Variants in CSMD1 observed in about 807,000 individuals in gnomAD.
The protein encoded by CSMD1 is CUB and sushi domain-containing protein 1.
Under a neutral mutation model 417.5 loss-of-function variants are expected in CSMD1, and 213 were observed. The observed-to-expected ratio is 0.51, with a 90% CI of 0.46 to 0.57. The LOEUF (loss-of-function observed/expected upper bound fraction) is 0.57. CSMD1 is among the 20% of genes least tolerant of loss of function. CSMD1 has a pLI of 0.00. For synonymous variants in CSMD1, 2,862 were observed against 1,736.8 expected (o/e 1.65, Z -16.11); for missense variants, 6,923 against 4,529.7 (o/e 1.53, Z -15.17).
intron 3 of CSMD1, among the ~76,000 whole-genome samples, chr8:4,202,763 T>C (rs532891411): frequency 5.3e-5 from 8 of 152,240 alleles, no homozygotes; most frequent in East Asian, 3.9e-4. Flanking sequence ...GAGAAAATGA[T>C]AGTGATAGAA....
At position 3,339,492 on chromosome 8, in the gene CSMD1, A is replaced by G. The variant is rs111781945; in HGVS notation, c.3631+3802T>C. Among the ~76,000 whole-genome samples the G allele has an allele frequency of 1.6e-3, 240 of 152,298 alleles. 1 individual carries two copies. Among genetic ancestry groups the G allele is most frequent in the African/African-American group, 5.7e-3 (235 of 41,568 alleles). On this transcript the variant is annotated intron_variant, in intron 23 of 69. Transcript: ENST00000635120. ...CTGGTTCCATCGGTGTACCCAAAAT[A>G]GATTTATCTCATCAGAGGGCCAATG...
At chr8:4,070,065 G>A (rs1327514824) in intron 3 of CSMD1, among the ~76,000 whole-genome samples, 2 of 151,662 alleles carry the variant, frequency 1.3e-5, no homozygotes, top group African/African-American at 4.8e-5. Flanking sequence ...TTTTCGCAGT[G>A]TTTTAGTGTT....
chr8:4,884,006 T>C (rs912841451), intron 1 of CSMD1, among the ~76,000 whole-genome samples: 1 of 152,070 alleles, frequency 6.6e-6, no homozygotes, highest in Middle Eastern at 3.2e-3. Context: ...CTATTGTCTG[T>C]ATTTTTGATA....
intron 3 of CSMD1, among the ~76,000 whole-genome samples, chr8:4,189,181 G>C (rs979078932): frequency 1.3e-5 from 2 of 152,222 alleles, no homozygotes; most frequent in Admixed American, 6.5e-5. Context: ...CACACAGCAC[G>C]TAAGTGCCCA....
intron 42 of CSMD1, among the ~76,000 whole-genome samples, chr8:3,111,846 T>C (rs1246414638): frequency 1.3e-5 from 2 of 151,918 alleles, no homozygotes; most frequent in Admixed American, 1.3e-4. Flanking sequence ...ATAATAATAA[T>C]AATGGGACCA....
At chr8:4,139,733 G>C (rs1050085136) in intron 3 of CSMD1, among the ~76,000 whole-genome samples, 2 of 151,164 alleles carry the variant, frequency 1.3e-5, no homozygotes, top group African/African-American at 4.9e-5. Flanking sequence ...TGCTTGAGTA[G>C]ATGAGTACAA....
chr8:4,550,648 C>G (rs150639207), intron 2 of CSMD1, among the ~76,000 whole-genome samples: 6 of 152,278 alleles, frequency 3.9e-5, no homozygotes, highest in African/African-American at 1.4e-4. Flanking sequence ...AAAAGGATCT[C>G]TAACAGTTTA....
chr8:4,195,174 C>A (rs892616916), intron 3 of CSMD1, among the ~76,000 whole-genome samples: 3 of 152,186 alleles, frequency 2.0e-5, no homozygotes, highest in South Asian at 4.1e-4. Flanking sequence ...TGTGTGTACA[C>A]TGACTTGTCA....
chr8:4,857,161 T>A (rs1274952150), intron 1 of CSMD1, among the ~76,000 whole-genome samples: 1 of 151,078 alleles, frequency 6.6e-6, no homozygotes, highest in Non-Finnish European at 1.5e-5. Context: ...TGCTCATGAA[T>A]GACTACTGGG....
At chr8:4,601,111 C>T (rs1188961215) in intron 2 of CSMD1, among the ~76,000 whole-genome samples, 1 of 152,108 alleles carries the variant, frequency 6.6e-6, no homozygotes, top group Non-Finnish European at 1.5e-5. Flanking sequence ...CATGCGCCAC[C>T]ACGCCTGCTA....
chr8:4,103,314 T>G (rs6980900), intron 3 of CSMD1, among the ~76,000 whole-genome samples: 30,964 of 151,114 alleles, frequency 0.2, 3,434 homozygotes, highest in East Asian at 0.32. Flanking sequence ...ATACACACAG[T>G]GATCATCAAT....
At chr8:3,291,547 A>G (rs1318451106) in intron 25 of CSMD1, among the ~76,000 whole-genome samples, 1 of 152,230 alleles carries the variant, frequency 6.6e-6, no homozygotes, top group East Asian at 1.9e-4. Flanking sequence ...TTCCTGGTTT[A>G]GTCTTGGGAG....
chr8:4,757,546 A>G (rs1467710883), intron 1 of CSMD1, among the ~76,000 whole-genome samples: 1 of 152,204 alleles, frequency 6.6e-6, no homozygotes, highest in African/African-American at 2.4e-5. Context: ...CATGTAGGTG[A>G]CACAGACTAT....
At chr8:4,572,493 G>C (rs1026567726) in intron 2 of CSMD1, among the ~76,000 whole-genome samples, 9 of 152,214 alleles carry the variant, frequency 5.9e-5, no homozygotes, top group Non-Finnish European at 8.8e-5. Context: ...TCCACTGTTA[G>C]TCTGACGGGC....
At chr8:4,832,687 C>T (rs1038899510) in intron 1 of CSMD1, among the ~76,000 whole-genome samples, 1 of 152,144 alleles carries the variant, frequency 6.6e-6, no homozygotes, top group Non-Finnish European at 1.5e-5. Context: ...AGAAAACTCT[C>T]AGGTAAATGT....
intron 8 of CSMD1, among the ~76,000 whole-genome samples, chr8:3,592,795 T>C (rs9650507): frequency 0.24 from 36,053 of 152,066 alleles, 4,476 homozygotes; most frequent in Admixed American, 0.27. Flanking sequence ...ACGTTAAAAG[T>C]TACAGACTTC....
At chr8:4,481,925 A>T (rs1801120390) in intron 2 of CSMD1, among the ~76,000 whole-genome samples, 1 of 152,168 alleles carries the variant, frequency 6.6e-6, no homozygotes, top group African/African-American at 2.4e-5. Flanking sequence ...GTGTGGAAAC[A>T]ACAGAATGCA....
rs181175429 is a variant in CSMD1, at chr8:3,383,436, G to A, written c.2782+4058C>T. On this transcript the variant is annotated intron_variant, in intron 18 of 69. Coordinates refer to ENST00000635120, the MANE Select transcript of CSMD1 (RefSeq NM_033225.6). ...ACACTAGAAAAACCTCATGCATGGA[G>A]GGAAGCCTTCTTCCACACTAGAAAA... is the stretch of plus-strand genomic sequence containing the variant. Among the ~76,000 whole-genome samples the A allele has an allele frequency of 7.1e-3, 1,066 of 151,022 alleles. 21 individuals are homozygous for A. Among genetic ancestry groups the A allele is most frequent in the African/African-American group, 0.024 (1,005 of 41,082 alleles).
In CSMD1 at chr8:4,491,821, C is replaced by A. The variant is rs142960817; in HGVS notation, c.303-71756G>T. ...TTGGCAGACAAGTGGCAGTTTCTTA[C>A]AAAGCTAAACACAGTCTTACTGTAC... On this transcript the variant is annotated intron_variant, in intron 2 of 69. Coordinates refer to ENST00000635120, the MANE Select transcript of CSMD1 (RefSeq NM_033225.6). Among the ~76,000 whole-genome samples, 17 of 152,236 alleles carry A rather than the reference C, an allele frequency of 1.1e-4. No individual in the cohort carries two copies. In the East Asian group the frequency reaches 2.5e-3, roughly 23 times the overall value.
Sources: allele counts gnomAD v4.1 joint callset (sites outside exome capture counted in the v4.1 genomes callset), GRCh38; gene constraint gnomAD v4.1.1; transcripts MANE v1.5; gene names NCBI Gene and HGNC (gene_info 2026-07-23, HGNC 2026-07-21).